The following IYD variants were observed in gnomAD, a reference collection of about 807,000 sequenced individuals.
IYD encodes the protein iodotyrosine deiodinase 1.
A neutral mutation model predicts 28.4 loss-of-function variants in IYD; 25 were observed. That is an observed-to-expected ratio of 0.88 (90% CI 0.64 to 1.23). The LOEUF is 1.23. Among genes scored for constraint, IYD ranks in the 50% most tolerant of loss-of-function variants. The pLI, the probability that IYD is intolerant of heterozygous loss-of-function variation, is 0.00. For synonymous variants in IYD, 140 were observed against 130.8 expected, an observed-to-expected ratio of 1.07 and a Z score of -0.48; for missense variants, 352 against 357.9, an observed-to-expected ratio of 0.98 and a Z score of 0.13.
intron 1 of IYD, among the ~76,000 whole-genome samples, chr6:150,383,188 A>G (rs958052966): frequency 6.6e-6 from 1 of 152,186 alleles, no homozygotes; most frequent in Non-Finnish European, 1.5e-5. Context: ...AGATGATATT[A>G]TCTTAGGCTG....
chr6:150,388,630 G>GCTTGCTTGCTTTCTTT lies in IYD; in HGVS notation c.179-719_179-718insGCTTGCTTTCTTTCTT, dbSNP rs1490791585. On this transcript the variant is annotated intron_variant, in intron 1 of 4. Transcript: ENST00000344419. Reference sequence around the variant, plus strand: ...TCTAGATTTATAGTCTGGAGTTTTTGCTTTCTTTCTTTCTTTCTTTCTTTC... The same window carrying GCTTGCTTGCTTTCTTT: ...TCTAGATTTATAGTCTGGAGTTTTTGCTTGCTTGCTTTCTTTCTTTCTTTCTTTCTTTCTTTCTTTC... Among the ~76,000 whole-genome samples, 146 of 129,398 alleles carry GCTTGCTTGCTTTCTTT rather than the reference G, an allele frequency of 1.1e-3. 1 individual carries two copies. The highest frequency in any genetic ancestry group is 4.4e-3 in the African/African-American group (142 of 32,436). The allele number at this position is 129,398 out of a possible 152,430, so 84.9% of individuals were successfully genotyped here.
chr6:150,397,730 C>T (rs1351354384), intron 4 of IYD, among the ~76,000 whole-genome samples: 1 of 152,044 alleles, frequency 6.6e-6, no homozygotes, highest in Non-Finnish European at 1.5e-5. Context: ...TTGTTTTTGC[C>T]TTTCCTCTAC....
intron 1 of IYD, chr6:150,384,654 A>C (rs1777795935): frequency 6.6e-6 from 1 of 152,176 alleles, no homozygotes; most frequent in South Asian, 2.1e-4. Context: ...AAATCTTTGT[A>C]GTTCAGAAGT....
At chr6:150,369,607 C>T (rs1413520495) in intron 1 of IYD, among the ~76,000 whole-genome samples, 1 of 152,204 alleles carries the variant, frequency 6.6e-6, no homozygotes, top group Non-Finnish European at 1.5e-5. Flanking sequence ...TGCTACCTTT[C>T]CCTGTGCCAG....
rs1778603926 is a variant in IYD at position 150,404,846 on chromosome 6, C to A, written c.*6609C>A. ...ACAAATAAGGGATTATTTTTCCCTC[C>A]TAGTGAGAAGTCTGGAGGTAGATAT... On this transcript the variant is annotated 3_prime_UTR_variant, in exon 5 of 5. Coordinates refer to ENST00000344419, the MANE Select transcript of IYD (RefSeq NM_203395.3). The A allele has an allele frequency of 6.6e-6, 1 of 152,014 alleles. No individual in the cohort carries two copies. Among genetic ancestry groups the A allele is most frequent in the South Asian group, 2.1e-4 (1 of 4,808 alleles). The allele number at this position is 152,014 out of a possible 1,614,324, so 9.4% of individuals were successfully genotyped here. A position where few individuals can be genotyped will look rare whatever the true frequency, so the allele number is the denominator to read the frequency against.
intron 2 of IYD, among the ~76,000 whole-genome samples, chr6:150,390,664 A>C (rs1778080059): frequency 6.6e-6 from 1 of 152,156 alleles, no homozygotes. Context: ...ATGGGAAGGA[A>C]GGAACAGTTT....
chr6:150,373,091 C>T (rs1405427189), intron 1 of IYD, among the ~76,000 whole-genome samples: 1 of 152,152 alleles, frequency 6.6e-6, no homozygotes, highest in Admixed American at 6.5e-5. Context: ...GATTCTTCTG[C>T]ACTTAGCTTC....
At chr6:150,375,700 G>T (rs1338310833) in intron 1 of IYD, among the ~76,000 whole-genome samples, 1 of 152,168 alleles carries the variant, frequency 6.6e-6, no homozygotes, top group African/African-American at 2.4e-5. Flanking sequence ...GAAGTGGGAT[G>T]ACTGAGAGGC....
Position 150,398,430 on chromosome 6 carries a change from T to C in IYD, c.*193T>C. On this transcript the variant is annotated 3_prime_UTR_variant, in exon 5 of 5. Transcript: ENST00000344419. ...CACTTCCAGTCCCATAAATCCTGTT[T>C]CTTATCCACTTTGGAAATGCATGAA... The C allele has an allele frequency of 1.7e-6, 1 of 594,212 alleles. No individual in the cohort carries two copies. Among genetic ancestry groups the C allele is most frequent in the East Asian group, 2.8e-5 (1 of 35,948 alleles). 36.8% of individuals were successfully genotyped at this position (594,212 alleles called of 1,614,324 possible). A position where few individuals can be genotyped will look rare whatever the true frequency, so the allele number is the denominator to read the frequency against.
intron 1 of IYD, among the ~76,000 whole-genome samples, chr6:150,379,901 C>A (rs1279439865): frequency 2.6e-5 from 4 of 152,166 alleles, no homozygotes; most frequent in Non-Finnish European, 5.9e-5. Flanking sequence ...AGCATTTGGA[C>A]CCCGTTGGGT....
chr6:150,392,292 G>A, intron 2 of IYD, 53 bp from the exon 3 acceptor site: 3 of 1,610,152 alleles, frequency 1.9e-6, no homozygotes, highest in Non-Finnish European at 2.5e-6. Context: ...TTAATTAGCA[G>A]TCTCACACTT....
At chr6:150,389,773 T>C (rs1171479466) in intron 2 of IYD, 2 of 523,888 alleles carry the variant, frequency 3.8e-6, no homozygotes, top group Non-Finnish European at 6.9e-6. Context: ...AGTTCAAAAC[T>C]TCTGAAATTA....
At chr6:150,375,941 G>A (rs1393832659) in intron 1 of IYD, among the ~76,000 whole-genome samples, 1 of 152,184 alleles carries the variant, frequency 6.6e-6, no homozygotes, top group Non-Finnish European at 1.5e-5. Context: ...CAAAGACTGT[G>A]TAGTAGAACT....
chr6:150,394,021 A>G, intron 3 of IYD, 78 bp from the exon 4 acceptor site: 3 of 1,335,126 alleles, frequency 2.2e-6, no homozygotes, highest in South Asian at 2.5e-5. Flanking sequence ...TTTTATTTTT[A>G]TCATAAAGAA....
At chr6:150,383,810 A>AAC (rs1212996507) in intron 1 of IYD, among the ~76,000 whole-genome samples, 3 of 29,618 alleles carry the variant, frequency 1.0e-4, no homozygotes, top group East Asian at 8.8e-4. Flanking sequence ...AAAAAAAAAC[A>AAC]AAAACAAAAA....
At chr6:150,371,281 C>T (rs147601313) in intron 1 of IYD, among the ~76,000 whole-genome samples, 169 of 152,258 alleles carry the variant, frequency 1.1e-3, no homozygotes, top group Non-Finnish European at 2.1e-3. Flanking sequence ...ATTAGAATCC[C>T]CATATTACAG....
chr6:150,383,026 C>T (rs1249339588), intron 1 of IYD, among the ~76,000 whole-genome samples: 2 of 152,208 alleles, frequency 1.3e-5, no homozygotes, highest in South Asian at 4.1e-4. Flanking sequence ...GCTAGTCATT[C>T]TTTTGGAAAA....
Position 150,389,540 on chromosome 6 carries a change from G to T in IYD, c.367G>T (p.Ala123Ser). 1 of 1,613,642 alleles carries T rather than the reference G, an allele frequency of 6.2e-7. No homozygotes were observed. Residue 123 changes from alanine to serine, a missense_variant, in exon 2 of 5, where the codon GCA becomes TCA. Physicochemically the swap from Ala to Ser is moderately conservative, Grantham distance 99. Coordinates refer to ENST00000344419, the MANE Select transcript of IYD (RefSeq NM_203395.3). ...AGTCATTGATAATGTCATCAGAACG[G>T]CAGGTTTGTAATTGCAGATGGGGTC... Reference protein sequence around the residue: ...MEVIDNVIRTAGTAPSGAHTE... With the variant: ...MEVIDNVIRTSGTAPSGAHTE...
chr6:150,371,370 G>T (rs184075610), intron 1 of IYD, among the ~76,000 whole-genome samples: 1 of 152,296 alleles, frequency 6.6e-6, no homozygotes, highest in Non-Finnish European at 1.5e-5. Context: ...TGTTTGCTGG[G>T]CTGCCTCTCC....
Sources: allele counts gnomAD v4.1 joint callset (sites outside exome capture counted in the v4.1 genomes callset), GRCh38; gene constraint gnomAD v4.1.1; transcripts MANE v1.5; gene names NCBI Gene and HGNC (gene_info 2026-07-23, HGNC 2026-07-21).